MMP16: variants seen among roughly 807,000 people sequenced by gnomAD.
The protein encoded by MMP16 is matrix metalloproteinase-16.
MMP16 carries 12 observed loss-of-function variants against 67.8 expected under a neutral mutation model. The ratio of observed to expected loss-of-function variants is 0.18; its 90% CI spans 0.11 to 0.29. The LOEUF (loss-of-function observed/expected upper bound fraction) is 0.29, where lower values mean the gene tolerates loss of function less well. MMP16 is among the 10% of genes least tolerant of loss of function. The probability of loss-of-function intolerance (pLI) is 1.00; values close to 1 mark genes in which losing one functional copy is unlikely to be tolerated. For missense variants in MMP16, 475 were observed against 765.7 expected, an observed-to-expected ratio of 0.62 and a Z score of 4.48; for synonymous variants, 249 against 255.9, an observed-to-expected ratio of 0.97 and a Z score of 0.26.
At chr8:88,271,828 A>G (rs1810567983) in intron 1 of MMP16, among the ~76,000 whole-genome samples, 3 of 152,206 alleles carry the variant, frequency 2.0e-5, no homozygotes, top group Non-Finnish European at 4.4e-5. Flanking sequence ...AAACAAACAC[A>G]TGAGAACTTG....
At chr8:88,210,032 A>G (rs1000218879) in intron 1 of MMP16, among the ~76,000 whole-genome samples, 3 of 152,158 alleles carry the variant, frequency 2.0e-5, no homozygotes, top group Non-Finnish European at 4.4e-5. Flanking sequence ...TCTTTCCAGC[A>G]GTGAGTATAC....
chr8:88,315,001 T>G (rs796301843), intron 1 of MMP16, among the ~76,000 whole-genome samples: 7 of 152,298 alleles, frequency 4.6e-5, no homozygotes, highest in African/African-American at 1.7e-4. Flanking sequence ...CAAGTTGAGA[T>G]AATCCTAAGG....
chr8:88,249,155 G>A (rs994651285), intron 1 of MMP16, among the ~76,000 whole-genome samples: 6 of 151,968 alleles, frequency 3.9e-5, no homozygotes, highest in African/African-American at 1.4e-4. Flanking sequence ...ACATAAGAGA[G>A]CTAACGTTCA....
chr8:88,158,752 C>T (rs1053264541), intron 4 of MMP16, among the ~76,000 whole-genome samples: 2 of 152,172 alleles, frequency 1.3e-5, no homozygotes, highest in African/African-American at 4.8e-5. Flanking sequence ...TGCCTATGTC[C>T]TGAATGGTAT....
At chr8:88,097,418 G>C (rs544481576) in intron 6 of MMP16, among the ~76,000 whole-genome samples, 5 of 151,730 alleles carry the variant, frequency 3.3e-5, no homozygotes, top group Admixed American at 2.0e-4. Flanking sequence ...TTGTGCCCAG[G>C]AGTTCGGGAG....
intron 1 of MMP16, among the ~76,000 whole-genome samples, chr8:88,322,718 G>A (rs1197122490): frequency 6.6e-6 from 1 of 151,966 alleles, no homozygotes; most frequent in Non-Finnish European, 1.5e-5. Flanking sequence ...GGTGGTATGT[G>A]CCTGTAGTGC....
intron 6 of MMP16, among the ~76,000 whole-genome samples, chr8:88,107,387 C>T (rs1809260796): frequency 6.6e-6 from 1 of 150,902 alleles, no homozygotes; most frequent in African/African-American, 2.4e-5. Context: ...TTAGAATAAT[C>T]AGGGGAAAGT....
chr8:88,187,259 G>A (rs1313539039), intron 2 of MMP16, among the ~76,000 whole-genome samples: 1 of 152,118 alleles, frequency 6.6e-6, no homozygotes, highest in African/African-American at 2.4e-5. Flanking sequence ...AAGGTTTGAT[G>A]TACTTAAATT....
intron 3 of MMP16, among the ~76,000 whole-genome samples, chr8:88,184,088 G>C (rs2129746778): frequency 6.6e-6 from 1 of 152,002 alleles, no homozygotes; most frequent in East Asian, 1.9e-4. Context: ...ACCAAAAATG[G>C]ATGGTAAATT....
At chr8:88,162,466 T>G (rs916147856) in intron 4 of MMP16, among the ~76,000 whole-genome samples, 4 of 152,102 alleles carry the variant, frequency 2.6e-5, no homozygotes, top group Admixed American at 2.6e-4. Context: ...ATTTTTAGAA[T>G]TTAAAATCTT....
chr8:88,150,445 T>A (rs1641683871), intron 4 of MMP16, among the ~76,000 whole-genome samples: 1 of 98,660 alleles, frequency 1.0e-5, no homozygotes, highest in South Asian at 4.3e-4. Context: ...GGAAAAAATG[T>A]TAAGGGCAGC....
At chr8:88,292,199 A>C (rs1231371888) in intron 1 of MMP16, among the ~76,000 whole-genome samples, 1 of 152,248 alleles carries the variant, frequency 6.6e-6, no homozygotes, top group African/African-American at 2.4e-5. Flanking sequence ...ATTATATTTT[A>C]AAATTAGAAG....
intron 1 of MMP16, among the ~76,000 whole-genome samples, chr8:88,283,093 G>T (rs954418548): frequency 2.6e-5 from 4 of 151,974 alleles, no homozygotes; most frequent in Non-Finnish European, 5.9e-5. Context: ...TGGATTAGTG[G>T]ACAACACATT....
intron 6 of MMP16, among the ~76,000 whole-genome samples, chr8:88,075,486 G>T (rs1005435202): frequency 1.3e-5 from 2 of 151,820 alleles, no homozygotes; most frequent in African/African-American, 4.8e-5. Flanking sequence ...TTAATAATTG[G>T]CCTACACACA....
chr8:88,256,047 C>T (rs971279767), intron 1 of MMP16, among the ~76,000 whole-genome samples: 4 of 152,054 alleles, frequency 2.6e-5, no homozygotes, highest in Non-Finnish European at 4.4e-5. Flanking sequence ...ACCTGGTGTC[C>T]CTGATCTTAT....
At chr8:88,161,344 T>A (rs1808619140) in intron 4 of MMP16, among the ~76,000 whole-genome samples, 2 of 152,314 alleles carry the variant, frequency 1.3e-5, no homozygotes, top group South Asian at 4.1e-4. Context: ...TAGAGGTGTT[T>A]ATAGTATTCT....
chr8:88,154,972 T>C (rs1486423352), intron 4 of MMP16, among the ~76,000 whole-genome samples: 1 of 152,130 alleles, frequency 6.6e-6, no homozygotes, highest in African/African-American at 2.4e-5. Flanking sequence ...ATATTTTCAT[T>C]TAAATTTTAC....
chr8:88,136,291 CTG>C (rs1312113658), intron 4 of MMP16, among the ~76,000 whole-genome samples: 1 of 151,852 alleles, frequency 6.6e-6, no homozygotes, highest in African/African-American at 2.4e-5. Context: ...ACACTAAGCA[CTG>C]TAAGAGCTTG....
intron 4 of MMP16, among the ~76,000 whole-genome samples, chr8:88,129,882 G>T (rs1393107072): frequency 6.6e-6 from 1 of 151,492 alleles, no homozygotes; most frequent in African/African-American, 2.4e-5. Context: ...CCTTATACTT[G>T]ACAGTGGAAC....
Sources: gnomAD v4.1 joint callset for allele counts (sites outside exome capture counted in the v4.1 genomes callset) on GRCh38, gnomAD v4.1.1 for gene constraint, MANE v1.5 for transcripts, NCBI Gene and HGNC (gene_info 2026-07-23, HGNC 2026-07-21) for gene names.